The following CDH2 variants were observed in gnomAD, a reference collection of about 807,000 sequenced individuals.
CDH2 encodes cadherin-2.
CDH2 carries 17 observed loss-of-function variants against 92.0 expected under a neutral mutation model. The ratio of observed to expected loss-of-function variants is 0.18; its 90% CI spans 0.13 to 0.28. The LOEUF is 0.28. CDH2 is among the 10% of genes least tolerant of loss of function. CDH2 has a pLI of 1.00. For synonymous variants in CDH2, 419 were observed against 415.9 expected (o/e 1.01, Z -0.09); for missense variants, 862 against 1,133.1 (o/e 0.76, Z 3.44).
chr18:28,170,856 C>A (rs1047075394), intron 1 of CDH2, among the ~76,000 whole-genome samples: 8 of 151,672 alleles, frequency 5.3e-5, no homozygotes, highest in African/African-American at 1.9e-4. Flanking sequence ...ATAAGCAATG[C>A]TTCAATAAAT....
chr18:27,970,116 G>C (rs1252730238), intron 14 of CDH2, among the ~76,000 whole-genome samples: 1 of 152,216 alleles, frequency 6.6e-6, no homozygotes, highest in Admixed American at 6.5e-5. Context: ...AAGAAGGGAG[G>C]ATGCAGATAT....
At chr18:27,944,501 C>T (rs1325909147) in intron 6 of CDH2, among the ~76,000 whole-genome samples, 2 of 152,012 alleles carry the variant, frequency 1.3e-5, no homozygotes, top group Non-Finnish European at 2.9e-5. Context: ...TATATGTTGG[C>T]TTACAGTAAC....
intron 5 of CDH2, among the ~76,000 whole-genome samples, chr18:28,007,347 C>A (rs1227136269): frequency 1.3e-5 from 2 of 151,534 alleles, no homozygotes; most frequent in African/African-American, 4.8e-5. Context: ...AGAATAGATT[C>A]ATTTCATTCT....
chr18:28,030,811 T>A (rs551313635), intron 2 of CDH2, among the ~76,000 whole-genome samples: 90 of 152,056 alleles, frequency 5.9e-4, no homozygotes, highest in Non-Finnish European at 8.4e-4. Flanking sequence ...CATAAAAAAA[T>A]CTAGTGCTTA....
chr18:28,120,673 G>A (rs2144270984), intron 2 of CDH2, among the ~76,000 whole-genome samples: 1 of 152,182 alleles, frequency 6.6e-6, no homozygotes, highest in East Asian at 1.9e-4. Context: ...AGGGAGGCAT[G>A]ATTTATGCCC....
At chr18:28,095,303 G>A (rs1011620642) in intron 2 of CDH2, among the ~76,000 whole-genome samples, 1 of 152,248 alleles carries the variant, frequency 6.6e-6, no homozygotes, top group Non-Finnish European at 1.5e-5. Context: ...AAAAAGGGTC[G>A]GGTGCAATGG....
At chr18:28,003,677 A>G (rs2012834634) in intron 6 of CDH2, among the ~76,000 whole-genome samples, 1 of 152,218 alleles carries the variant, frequency 6.6e-6, no homozygotes, top group South Asian at 2.1e-4. Flanking sequence ...CTCAGGTCAT[A>G]AGGAACCATT....
At chr18:28,044,262 C>G (rs1310250785) in intron 2 of CDH2, among the ~76,000 whole-genome samples, 1 of 152,136 alleles carries the variant, frequency 6.6e-6, no homozygotes, top group Non-Finnish European at 1.5e-5. Context: ...AACCAGTTGG[C>G]AGCTGCGCTA....
intron 2 of CDH2, among the ~76,000 whole-genome samples, chr18:28,107,788 A>G (rs1052589511): frequency 6.6e-6 from 1 of 151,186 alleles, no homozygotes. Flanking sequence ...TTAGCCATTT[A>G]AAAAAAAAGG....
chr18:28,101,936 T>G (rs2015233323), intron 2 of CDH2, among the ~76,000 whole-genome samples: 1 of 152,038 alleles, frequency 6.6e-6, no homozygotes, highest in African/African-American at 2.4e-5. Context: ...TTCTCTGCCC[T>G]CTCCATCTCT....
chr18:28,129,823 A>T (rs750402422), intron 2 of CDH2, among the ~76,000 whole-genome samples: 3 of 152,192 alleles, frequency 2.0e-5, no homozygotes, highest in African/African-American at 7.2e-5. Context: ...AATTAATTAA[A>T]TTTTAAAAAA....
chr18:27,954,504 T>A (rs1324209338), intron 15 of CDH2: 1 of 152,240 alleles, frequency 6.6e-6, no homozygotes, highest in Non-Finnish European at 1.5e-5. Context: ...AATCCCCCTT[T>A]CCCCCTCTGC....
At chr18:28,176,915 GCCCGCCCCAC>G (rs2016553686) in intron 1 of CDH2, 38 bp downstream of exon 1, 7 of 1,098,190 alleles carry the variant, frequency 6.4e-6, no homozygotes, top group African/African-American at 1.7e-5. Context: ...ACCCGGCGCC[GCCCGCCCCAC>G]CCCGCCCGTG....
intron 2 of CDH2, among the ~76,000 whole-genome samples, chr18:28,052,748 A>G (rs1567980049): frequency 2.0e-5 from 3 of 152,214 alleles, no homozygotes. Flanking sequence ...ATCACGAAAC[A>G]GTTCATTGAA....
At position 28,073,459 on chromosome 18, in the gene CDH2, A is replaced by T. The variant is rs183749717; in HGVS notation, c.173-59550T>A. Reference sequence around the variant, plus strand: ...GCAAATTGTAAATCAAACCTTGAAGATATAGAAAATAAAGATACTATTTTA... The same window carrying T: ...GCAAATTGTAAATCAAACCTTGAAGTTATAGAAAATAAAGATACTATTTTA... On this transcript the variant is annotated intron_variant, in intron 2 of 15. Transcript: ENST00000269141. Among the ~76,000 whole-genome samples the T allele has an allele frequency of 1.2e-3, 184 of 152,314 alleles. 1 individual carries two copies. Among genetic ancestry groups the T allele is most frequent in the Admixed American group, 2.4e-3 (36 of 15,290 alleles).
At chr18:28,005,748 CA>C in intron 6 of CDH2, 100 bp downstream of exon 6, 1 of 714,102 alleles carries the variant, frequency 1.4e-6, no homozygotes. Context: ...GAAAAGGATC[CA>C]AAAAGCCTCA....
intron 2 of CDH2, among the ~76,000 whole-genome samples, chr18:28,120,749 T>C (rs1416610767): frequency 2.0e-5 from 3 of 152,078 alleles, no homozygotes; most frequent in African/African-American, 7.2e-5. Flanking sequence ...TGTAAACCTA[T>C]GAATGAAAGA....
In CDH2 at chr18:27,963,398, C is replaced by T. The variant is rs1277644544; in HGVS notation, c.2473G>A (p.Ala825Thr). The T allele has an allele frequency of 6.2e-7, 1 of 1,614,102 alleles. No homozygotes were observed. Among genetic ancestry groups the T allele is most frequent in the South Asian group, 1.1e-5 (1 of 91,078 alleles). ...CCAATGTCTCCAGGGTGTGGGGCTGCAGATCGGACCGGATACTGGGGCTCG... is the reference window on the plus strand; with the variant it reads ...CCAATGTCTCCAGGGTGTGGGGCTGTAGATCGGACCGGATACTGGGGCTCG... ...HAEPQYPVRS[A>T]APHPGDIGDF... Residue 825 changes from alanine (A) to threonine (T), a missense_variant, in exon 15 of 16, where the codon GCA becomes ACA. Around this residue, in one of 5 missense-constraint regions of CDH2, gnomAD observed 114 missense variants for 144.8 expected, o/e 0.79. Transcript: ENST00000269141.
In CDH2 at chr18:28,035,544, C is replaced by T. The variant is rs563930922; in HGVS notation, c.173-21635G>A. On this transcript the variant is annotated intron_variant, in intron 2 of 15. Transcript: ENST00000269141. ...TCATTTAAGGATGACTCATATTCATCTTGTTTAACTTTATTTTTAGGAAAA... is the reference window on the plus strand; with the variant it reads ...TCATTTAAGGATGACTCATATTCATTTTGTTTAACTTTATTTTTAGGAAAA... 2.0e-5 allele frequency among the ~76,000 whole-genome samples: 3 copies of T among 152,088 alleles called. No individual in the cohort carries two copies. The South Asian group carries it at 6.2e-4, about 32-fold the overall frequency.
Sources: gnomAD v4.1 joint callset for allele counts (sites outside exome capture counted in the v4.1 genomes callset) on GRCh38, gnomAD v4.1.1 for gene constraint, gnomAD v4.1.1 regional missense constraint, MANE v1.5 for transcripts, NCBI Gene and HGNC (gene_info 2026-07-23, HGNC 2026-07-21) for gene names.